CRHR1: variants seen among roughly 807,000 people sequenced by gnomAD.
CRHR1 encodes the protein corticotropin releasing hormone receptor 1, also known as corticotropin-releasing hormone receptor 1.
Under a neutral mutation model 56.0 loss-of-function variants are expected in CRHR1, and 28 were observed. That is an observed-to-expected ratio of 0.50 (90% confidence interval 0.37 to 0.69). The LOEUF (loss-of-function observed/expected upper bound fraction) is 0.69, where lower values mean the gene tolerates loss of function less well. CRHR1 is among the 30% of genes least tolerant of loss of function. The probability of loss-of-function intolerance (pLI) is 0.00; values close to 1 mark genes in which losing one functional copy is unlikely to be tolerated. For missense variants in CRHR1, 376 were observed against 548.0 expected, an observed-to-expected ratio of 0.69 and a Z score of 3.13; for synonymous variants, 195 against 216.5, an observed-to-expected ratio of 0.90 and a Z score of 0.87.
chr17:45,804,835 G>A (rs1312893791), intron 1 of CRHR1, among the ~76,000 whole-genome samples: 2 of 149,132 alleles, frequency 1.3e-5, no homozygotes, highest in African/African-American at 2.5e-5. Flanking sequence ...TTTTTTTTGA[G>A]ATAGAGTATT....
At position 45,784,500 on chromosome 17, in the gene CRHR1, C is replaced by T; in HGVS notation, c.-45C>T. ...CCGCCCGCCGGTCCCTCTGGGATGT[C>T]CGTAGGACCCGGGCATTCAGGACGG... On this transcript the variant is annotated 5_prime_UTR_variant, in exon 1 of 13. Coordinates refer to ENST00000314537, the MANE Select transcript of CRHR1 (RefSeq NM_004382.5). The surrounding 1 kb of genome is among the most constrained non-coding windows in gnomAD (Gnocchi z 4.2). 2 of 1,524,112 alleles carry T rather than the reference C, an allele frequency of 1.3e-6. No homozygotes were observed. Among genetic ancestry groups the T allele is most frequent in the Non-Finnish European group, 1.8e-6 (2 of 1,134,366 alleles). 94.4% of individuals were successfully genotyped at this position (1,524,112 alleles called of 1,614,324 possible).
intron 4 of CRHR1, chr17:45,825,652 A>T (rs1433333476): frequency 1.3e-5 from 2 of 154,458 alleles, no homozygotes; most frequent in Non-Finnish European, 2.9e-5. Context: ...TCCTAAAACC[A>T]AGCTCCGATT....
intron 1 of CRHR1, among the ~76,000 whole-genome samples, chr17:45,790,583 G>T (rs538962853): frequency 6.6e-6 from 1 of 152,298 alleles, no homozygotes; most frequent in South Asian, 2.1e-4. Context: ...CATCTCACCC[G>T]CCTGGCACTG....
rs2062399469 is a variant in CRHR1 at position 45,834,716 on chromosome 17, C to G, written c.1200C>G (p.Ser400=). ...CCCGTGCCATGTCCATCCCCACCTCCCCAACCCGTGTCAGCTTTCACAGCA... is the reference window on the plus strand; with the variant it reads ...CCCGTGCCATGTCCATCCCCACCTCGCCAACCCGTGTCAGCTTTCACAGCA... The part of the protein sequence containing the change: ...RVARAMSIPT[S]PTRVSFHSIK... The change falls in exon 13 of 13, where the codon TCC becomes TCG. Residue 400 remains serine, a synonymous_variant. Coordinates refer to ENST00000314537, the MANE Select transcript of CRHR1 (RefSeq NM_004382.5). 1 of 1,613,708 alleles carries G rather than the reference C, an allele frequency of 6.2e-7. No individual in the cohort carries two copies. Among genetic ancestry groups the G allele is most frequent in the African/African-American group, 1.3e-5 (1 of 74,920 alleles).
chr17:45,830,598 T>C (rs992144291), intron 7 of CRHR1, 28 bp downstream of exon 7: 3 of 1,580,948 alleles, frequency 1.9e-6, no homozygotes, highest in African/African-American at 2.7e-5. Flanking sequence ...CTCCGCAGCC[T>C]GGGCAGTGGC....
chr17:45,815,421 C>A (rs1478727066), intron 2 of CRHR1, among the ~76,000 whole-genome samples: 2 of 152,204 alleles, frequency 1.3e-5, no homozygotes, highest in African/African-American at 4.8e-5. Context: ...CTCTCTCTCG[C>A]GTGCTCTCTC....
intron 3 of CRHR1, among the ~76,000 whole-genome samples, chr17:45,817,145 TC>T (rs1441338619): frequency 2.6e-5 from 4 of 152,136 alleles, no homozygotes; most frequent in African/African-American, 9.7e-5. Flanking sequence ...CCAGGGTCCG[TC>T]GGATACTTGA....
At position 45,801,472 on chromosome 17, in the gene CRHR1, A is replaced by G. The variant is rs995871631; in HGVS notation, c.34-5538A>G. Among the ~76,000 whole-genome samples, 5 of 152,280 alleles carry G rather than the reference A, an allele frequency of 3.3e-5. No homozygotes were observed. The East Asian group carries it at 5.8e-4, about 18-fold the overall frequency. ...TTGGAAAATCCTTTTACGCGATGCT[A>G]TAATTGAGCCGCACGCACCCTTGGC... On this transcript the variant is annotated intron_variant, in intron 1 of 12. Transcript: ENST00000314537.
chr17:45,833,338 G>T, intron 9 of CRHR1, 114 bp from the exon 10 acceptor site: 1 of 1,436,714 alleles, frequency 7.0e-7, no homozygotes, highest in Non-Finnish European at 9.8e-7. Flanking sequence ...GGTCAGAGAT[G>T]TGCAGGTGCT....
Position 45,830,401 on chromosome 17 carries a change from G to A in CRHR1, c.556-16G>A. The A allele has an allele frequency of 3.1e-6, 5 of 1,597,268 alleles. No individual in the cohort carries two copies. The highest frequency in any genetic ancestry group is 4.3e-6 in the Non-Finnish European group (5 of 1,170,180). On this transcript the variant is annotated splice_polypyrimidine_tract_variant and intron_variant, in intron 6 of 12. Transcript: ENST00000314537. ...CTGCCCCCCATCATCATCTCTGGTT[G>A]GGGGTGGGGTGGCAGGGCTGGTGCA...
intron 9 of CRHR1, 37 bp downstream of exon 9, chr17:45,833,247 T>G: frequency 6.2e-7 from 1 of 1,602,696 alleles, no homozygotes; most frequent in Non-Finnish European, 8.5e-7. Context: ...CAGGGCCCAG[T>G]GGGGAGGGGC....
intron 1 of CRHR1, among the ~76,000 whole-genome samples, chr17:45,794,360 G>A (rs376029045): frequency 2.0e-5 from 3 of 152,328 alleles, no homozygotes; most frequent in Non-Finnish European, 2.9e-5. Flanking sequence ...TTGACCAGTC[G>A]GACCAGTCCT....
intron 11 of CRHR1, 38 bp from the exon 12 acceptor site, chr17:45,833,969 C>T: frequency 1.9e-6 from 3 of 1,613,764 alleles, no homozygotes; most frequent in East Asian, 2.2e-5. Context: ...TGGGCAACAC[C>T]TGCAGCCGAC....
At chr17:45,791,678 G>A (rs765219933) in intron 1 of CRHR1, among the ~76,000 whole-genome samples, 2 of 151,924 alleles carry the variant, frequency 1.3e-5, no homozygotes, top group African/African-American at 4.8e-5. Context: ...GAGAGCCTTC[G>A]GCGCAGAGAT....
chr17:45,834,068 G>A lies in CRHR1; in HGVS notation c.1107+20G>A. 1.9e-6 allele frequency: 3 copies of A among 1,612,372 alleles called. No individual in the cohort carries two copies. The highest frequency in any genetic ancestry group is 2.5e-6 in the Non-Finnish European group (3 of 1,178,560). ...AGTGAGGTGAGGACCCGGGGGCCCT[G>A]CAGCGGGGTTCAGGGCTGTGAGGCC... On this transcript the variant is annotated intron_variant, in intron 12 of 12. Transcript: ENST00000314537.
rs1486167348 is a variant in CRHR1 at position 45,833,380 on chromosome 17, G to A, written c.844-72G>A. 4.6e-6 allele frequency: 7 copies of A among 1,536,650 alleles called. No individual in the cohort carries two copies. In the East Asian group the frequency reaches 1.1e-4, roughly 25 times the overall value. On this transcript the variant is annotated intron_variant, in intron 9 of 12. Transcript: ENST00000314537. ...GAGGAGGGAGAACAGCAGGGGCACT[G>A]AGGCCAGAGCTGAGAAGCCTGGGTC...
chr17:45,833,823 T>G lies in CRHR1; in HGVS notation c.1039T>G (p.Phe347Val). Reference sequence around the variant, plus strand: ...GGTCTCCCGGGTCGTCTTCATCTACTTCAACTCCTTCCTGGAATCCTTCCA... The same window carrying G: ...GGTCTCCCGGGTCGTCTTCATCTACGTCAACTCCTTCCTGGAATCCTTCCA... ...DEVSRVVFIY[F>V]NSFLESFQGF... The change falls in exon 11 of 13, where the codon TTC (phenylalanine) becomes GTC (valine). Residue 347 changes from phenylalanine (F) to valine (V), a missense_variant. Transcript: ENST00000314537. The G allele has an allele frequency of 6.2e-7, 1 of 1,613,686 alleles. No individual in the cohort carries two copies. The highest frequency in any genetic ancestry group is 8.5e-7 in the Non-Finnish European group (1 of 1,179,944).
At chr17:45,801,305 C>CA (rs2061617545) in intron 1 of CRHR1, among the ~76,000 whole-genome samples, 1 of 152,224 alleles carries the variant, frequency 6.6e-6, no homozygotes, top group Non-Finnish European at 1.5e-5. Flanking sequence ...CCTTGAAAGA[C>CA]AGCAGGAGCA....
chr17:45,820,592 C>T (rs2062019628), intron 3 of CRHR1, among the ~76,000 whole-genome samples: 1 of 152,216 alleles, frequency 6.6e-6, no homozygotes, highest in South Asian at 2.1e-4. Context: ...CTGCCTTCCT[C>T]CTTGAGTGAC....
Sources: allele counts gnomAD v4.1 joint callset (sites outside exome capture counted in the v4.1 genomes callset), GRCh38; gene constraint gnomAD v4.1.1; non-coding constraint Gnocchi (gnomAD v3.1); transcripts MANE v1.5; gene names NCBI Gene and HGNC (gene_info 2026-07-23, HGNC 2026-07-21).